The following LDAH variants were observed in gnomAD, a reference collection of about 807,000 sequenced individuals.
LDAH encodes the protein lipid droplet associated hydrolase.
Under a neutral mutation model 29.6 loss-of-function variants are expected in LDAH, and 26 were observed. The ratio of observed to expected loss-of-function variants is 0.88; its 90% CI spans 0.64 to 1.22. The LOEUF is 1.22. Among genes scored for constraint, LDAH ranks in the 50% most tolerant of loss-of-function variants. The pLI, the probability that LDAH is intolerant of heterozygous loss-of-function variation, is 0.00. For missense variants in LDAH, 344 were observed against 387.3 expected (o/e 0.89, Z 0.94); for synonymous variants, 117 against 133.0 (o/e 0.88, Z 0.83).
In LDAH at chr2:20,808,681, CCAAGA is replaced by C. The variant is rs1395268614; in HGVS notation, c.-2-7221_-2-7217del. Among the ~76,000 whole-genome samples, 269 of 150,914 alleles carry C rather than the reference CCAAGA, an allele frequency of 1.8e-3. 1 individual carries two copies. The highest frequency in any genetic ancestry group is 6.1e-3 in the African/African-American group (250 of 41,218). ...TCAAAAAAAAAAAAAAAAAGAATAGCCAAGACAAGTTTGAAGAACAACCACAAAGT... is the reference window on the plus strand; with the variant it reads ...TCAAAAAAAAAAAAAAAAAGAATAGCCAAGTTTGAAGAACAACCACAAAGT... On this transcript the variant is annotated intron_variant, in intron 1 of 6. Transcript: ENST00000237822.
At chr2:20,815,103 G>T (rs1672760947) in intron 1 of LDAH, among the ~76,000 whole-genome samples, 1 of 152,114 alleles carries the variant, frequency 6.6e-6, no homozygotes, top group African/African-American at 2.4e-5. Context: ...GTTTTAAAAA[G>T]TAAGAACCAA....
chr2:20,719,249 A>ATTTTTTATTTTTT (rs1665470040), intron 5 of LDAH, among the ~76,000 whole-genome samples: 1 of 149,560 alleles, frequency 6.7e-6, no homozygotes, highest in Non-Finnish European at 1.5e-5. Context: ...TTAAAGATAG[A>ATTTTTTATTTTTT]CAATACCAAC....
intron 5 of LDAH, among the ~76,000 whole-genome samples, chr2:20,738,366 C>G (rs1260325485): frequency 6.7e-6 from 1 of 149,764 alleles, no homozygotes; most frequent in African/African-American, 2.5e-5. Flanking sequence ...ACACATCTCC[C>G]TATATATATA....
chr2:20,725,635 C>T (rs866244934), intron 5 of LDAH, among the ~76,000 whole-genome samples: 18 of 152,210 alleles, frequency 1.2e-4, no homozygotes, highest in Middle Eastern at 3.2e-3. Context: ...ATTTTCATTT[C>T]CCTTGATTGA....
chr2:20,810,593 T>G (rs1371239486), intron 1 of LDAH, among the ~76,000 whole-genome samples: 1 of 152,212 alleles, frequency 6.6e-6, no homozygotes, highest in Non-Finnish European at 1.5e-5. Flanking sequence ...TCTGCAAAGT[T>G]AAGTTAAACA....
intron 1 of LDAH, among the ~76,000 whole-genome samples, chr2:20,821,170 A>T (rs1440896153): frequency 6.6e-6 from 1 of 152,230 alleles, no homozygotes; most frequent in Non-Finnish European, 1.5e-5. Flanking sequence ...TGTTGGTGGG[A>T]CTGTAAACTA....
intron 2 of LDAH, among the ~76,000 whole-genome samples, chr2:20,791,632 T>A: frequency 6.6e-6 from 1 of 152,196 alleles, no homozygotes; most frequent in Non-Finnish European, 1.5e-5. Flanking sequence ...TTTGGTCAGT[T>A]TATTGGCCAC....
intron 5 of LDAH, among the ~76,000 whole-genome samples, chr2:20,714,855 A>G (rs1665041581): frequency 6.6e-6 from 1 of 152,210 alleles, no homozygotes; most frequent in African/African-American, 2.4e-5. Flanking sequence ...CTCTGAATAG[A>G]CCAATAACAG....
Position 20,801,392 on chromosome 2 carries a change from C to T in LDAH, c.72G>A (p.Gln24=). 8.7e-6 allele frequency: 14 copies of T among 1,614,086 alleles called. No individual in the cohort carries two copies. The highest frequency in any genetic ancestry group is 1.2e-5 in the Non-Finnish European group (14 of 1,179,980). The stretch of plus-strand genomic sequence containing the variant: ...CTGTCCAGGGCCCACATTTTAGAAC[C>T]TGGGTTTCGGCTCCACCACACAAAA... ...EFILCGGAET[Q]VLKCGPWTDL... The change falls in exon 2 of 7, where the codon CAG becomes CAA. Residue 24 remains glutamine (Q), a synonymous_variant. Coordinates refer to ENST00000237822, the MANE Select transcript of LDAH (RefSeq NM_021925.4).
rs111787937 is a variant in LDAH at position 20,733,373 on chromosome 2, C to T, written c.703+6598G>A. 4.7e-3 allele frequency among the ~76,000 whole-genome samples: 704 copies of T among 148,408 alleles called. 8 individuals carry two copies. The highest frequency in any genetic ancestry group is 0.043 in the South Asian group (198 of 4,634). On this transcript the variant is annotated intron_variant, in intron 5 of 6. Transcript: ENST00000237822. Reference sequence around the variant, plus strand: ...AGCCTGCCCAAAGAAGCTGAGACTACAGGCTATACCTCCATGCCTGGCTAT... The same window carrying T: ...AGCCTGCCCAAAGAAGCTGAGACTATAGGCTATACCTCCATGCCTGGCTAT...
At chr2:20,753,384 G>A (rs1668096056) in intron 4 of LDAH, among the ~76,000 whole-genome samples, 2 of 152,072 alleles carry the variant, frequency 1.3e-5, no homozygotes, top group African/African-American at 4.8e-5. Context: ...TCAAATACAG[G>A]CGACTGGAAT....
At chr2:20,795,847 C>G (rs780622479) in intron 2 of LDAH, among the ~76,000 whole-genome samples, 1 of 151,912 alleles carries the variant, frequency 6.6e-6, no homozygotes, top group African/African-American at 2.4e-5. Context: ...CTATCAGAGA[C>G]GGACATAACA....
chr2:20,813,247 T>C (rs774012740), intron 1 of LDAH, among the ~76,000 whole-genome samples: 2 of 152,228 alleles, frequency 1.3e-5, no homozygotes, highest in Non-Finnish European at 2.9e-5. Context: ...GTTATTAACT[T>C]AGTATAGTCT....
intron 5 of LDAH, among the ~76,000 whole-genome samples, chr2:20,715,509 T>C (rs1002053494): frequency 6.6e-6 from 1 of 152,084 alleles, no homozygotes; most frequent in African/African-American, 2.4e-5. Flanking sequence ...CTATTTAACA[T>C]AGTGTTGGAA....
intron 6 of LDAH, among the ~76,000 whole-genome samples, chr2:20,689,681 C>T (rs1572397826): frequency 6.6e-6 from 1 of 152,322 alleles, no homozygotes; most frequent in Middle Eastern, 3.4e-3. Context: ...CACCAGCAAT[C>T]TTTTCGATTG....
At chr2:20,808,882 A>G (rs1445807784) in intron 1 of LDAH, among the ~76,000 whole-genome samples, 3 of 152,244 alleles carry the variant, frequency 2.0e-5, no homozygotes, top group Non-Finnish European at 4.4e-5. Context: ...AGGTCTTTCA[A>G]ATAAATGATG....
intron 6 of LDAH, among the ~76,000 whole-genome samples, chr2:20,697,399 T>C (rs554668845): frequency 6.6e-6 from 1 of 152,352 alleles, no homozygotes; most frequent in East Asian, 1.9e-4. Context: ...ATTTCATCCT[T>C]TTCTAGTATT....
At chr2:20,803,215 G>A (rs1423033785) in intron 1 of LDAH, among the ~76,000 whole-genome samples, 1 of 152,180 alleles carries the variant, frequency 6.6e-6, no homozygotes, top group Admixed American at 6.5e-5. Context: ...TGCCAAGGCT[G>A]AAAAACAACA....
At chr2:20,811,056 C>G (rs1672452147) in intron 1 of LDAH, among the ~76,000 whole-genome samples, 1 of 151,088 alleles carries the variant, frequency 6.6e-6, no homozygotes, top group African/African-American at 2.4e-5. Flanking sequence ...CCCGCTCTCT[C>G]GCCCAGGCTG....
Sources: gnomAD v4.1 joint callset for allele counts (sites outside exome capture counted in the v4.1 genomes callset) on GRCh38, gnomAD v4.1.1 for gene constraint, MANE v1.5 for transcripts, NCBI Gene and HGNC (gene_info 2026-07-23, HGNC 2026-07-21) for gene names.